COPS3: variants seen among roughly 807,000 people sequenced by gnomAD.
COPS3 encodes the protein COP9 signalosome subunit 3.
In COPS3, 10 loss-of-function variants were observed where a neutral mutation model predicts 58.2. That is an observed-to-expected ratio of 0.17 (90% CI 0.11 to 0.29). The LOEUF (loss-of-function observed/expected upper bound fraction) is 0.29, where lower values mean the gene tolerates loss of function less well. COPS3 is among the 10% of genes least tolerant of loss of function. The pLI is 1.00. For missense variants in COPS3, 333 were observed against 510.1 expected, an observed-to-expected ratio of 0.65 and a Z score of 3.34; for synonymous variants, 187 against 181.7, an observed-to-expected ratio of 1.03 and a Z score of -0.24.
At chr17:17,275,647 T>A (rs1473616937) in intron 2 of COPS3, among the ~76,000 whole-genome samples, 4 of 152,182 alleles carry the variant, frequency 2.6e-5, no homozygotes, top group Non-Finnish European at 5.9e-5. Flanking sequence ...AATAAATAAA[T>A]AAAAATAAAG....
chr17:17,280,853 A>C (rs2048567478), intron 1 of COPS3: 4 of 1,169,594 alleles, frequency 3.4e-6, no homozygotes, highest in South Asian at 1.7e-5. Context: ...CAAACTGTCA[A>C]GCAAAGCGCC....
At chr17:17,275,242 C>G (rs1023561465) in intron 2 of COPS3, among the ~76,000 whole-genome samples, 1 of 151,784 alleles carries the variant, frequency 6.6e-6, no homozygotes, top group African/African-American at 2.4e-5. Flanking sequence ...AGGCATGCGC[C>G]AACACACCCG....
intron 10 of COPS3, 75 bp from the exon 11 acceptor site, chr17:17,247,635 C>T: frequency 7.1e-7 from 1 of 1,415,920 alleles, no homozygotes; most frequent in Non-Finnish European, 9.9e-7. Context: ...TTACACTGTT[C>T]ACAAGGGTGC....
At chr17:17,254,627 T>TG (rs2047921450) in intron 9 of COPS3, among the ~76,000 whole-genome samples, 1 of 151,792 alleles carries the variant, frequency 6.6e-6, no homozygotes, top group East Asian at 2.0e-4. Flanking sequence ...CTGACCAACA[T>TG]GGTGAAACCC....
rs545674170 is a variant in COPS3 at position 17,280,945 on chromosome 17, G to A, written c.55+187C>T. On this transcript the variant is annotated intron_variant, in intron 1 of 11. Transcript: ENST00000268717. Reference sequence around the variant, plus strand: ...GGCCGGCCGGCGAGGACAGCGGAGCGCGAGGGGGCTGCCTACACTCGGCCG... The same window carrying A: ...GGCCGGCCGGCGAGGACAGCGGAGCACGAGGGGGCTGCCTACACTCGGCCG... Among the ~76,000 whole-genome samples the A allele has an allele frequency of 1.1e-4, 16 of 152,280 alleles. No individual in the cohort carries two copies. In the South Asian group the frequency reaches 2.7e-3, roughly 26 times the overall value.
rs10529108 is a variant in COPS3 at position 17,255,485 on chromosome 17, C to CAAAAAAA, written c.937-547_937-541dup. On this transcript the variant is annotated intron_variant, in intron 8 of 11. Transcript: ENST00000268717. ...TGGACGACAGAGCAAGACTCTATTT[C>CAAAAAAA]AAAAAAAAAAGTGTACAGAGCTCTT... 3.1e-4 allele frequency among the ~76,000 whole-genome samples: 40 copies of CAAAAAAA among 129,020 alleles called. 8 individuals carry two copies. The highest frequency in any genetic ancestry group is 4.7e-4 in the South Asian group (2 of 4,212). 84.6% of individuals were successfully genotyped at this position (129,020 alleles called of 152,430 possible).
chr17:17,269,252 C>T lies in COPS3; in HGVS notation c.349-1275G>A, dbSNP rs148031077. ...CCAGCCTGGCAAACATGGTGAAACC[C>T]TGTCTCTACTAAAAATACAAAAATT... On this transcript the variant is annotated intron_variant, in intron 4 of 11. Transcript: ENST00000268717. 6.1e-3 allele frequency among the ~76,000 whole-genome samples: 930 copies of T among 152,276 alleles called. 15 individuals are homozygous for T. Among genetic ancestry groups the T allele is most frequent in the Admixed American group, 0.035 (537 of 15,286 alleles).
At chr17:17,255,381 G>A (rs963599373) in intron 8 of COPS3, among the ~76,000 whole-genome samples, 1 of 151,254 alleles carries the variant, frequency 6.6e-6, no homozygotes, top group East Asian at 2.0e-4. Context: ...GGGAGGCTGA[G>A]ACAAGAGAAT....
intron 8 of COPS3, among the ~76,000 whole-genome samples, chr17:17,255,459 C>G (rs912327999): frequency 1.5e-5 from 2 of 136,028 alleles, no homozygotes; most frequent in Non-Finnish European, 3.0e-5. Context: ...GCTCTCCAGC[C>G]TGGACGACAG....
At chr17:17,277,210 G>C (rs1162527169) in intron 1 of COPS3, among the ~76,000 whole-genome samples, 1 of 152,112 alleles carries the variant, frequency 6.6e-6, no homozygotes, top group East Asian at 1.9e-4. Context: ...CCTCATCTCA[G>C]CTCCCTTCCC....
At chr17:17,258,385 A>C (rs965923934) in intron 8 of COPS3, among the ~76,000 whole-genome samples, 2 of 152,156 alleles carry the variant, frequency 1.3e-5, no homozygotes, top group Non-Finnish European at 2.9e-5. Flanking sequence ...TGCAACCTCT[A>C]TCTCCTGGGT....
chr17:17,263,510 CTTTT>C (rs34755381), intron 6 of COPS3, among the ~76,000 whole-genome samples: 5 of 98,870 alleles, frequency 5.1e-5, no homozygotes, highest in Admixed American at 1.2e-4. Flanking sequence ...CTTGCCTTTT[CTTTT>C]TTTTTTTTTT....
At chr17:17,280,633 G>C in intron 1 of COPS3, 1 of 1,303,248 alleles carries the variant, frequency 7.7e-7, no homozygotes, top group Non-Finnish European at 1.0e-6. Context: ...TCCCGAGCGT[G>C]CGCCGCCTGG....
At chr17:17,275,077 A>G (rs1295102182) in intron 2 of COPS3, among the ~76,000 whole-genome samples, 1 of 147,770 alleles carries the variant, frequency 6.8e-6, no homozygotes, top group East Asian at 2.0e-4. Flanking sequence ...TTCTCAAAGC[A>G]GGAAAAGCAA....
intron 8 of COPS3, among the ~76,000 whole-genome samples, chr17:17,257,863 A>G (rs562697075): frequency 1.2e-4 from 18 of 152,278 alleles, no homozygotes; most frequent in African/African-American, 3.6e-4. Flanking sequence ...ACACAAAGTA[A>G]TATTTCAATG....
rs2048083467 is a variant in COPS3, at chr17:17,260,897, C to G, written c.763-423G>C. Among the ~76,000 whole-genome samples the G allele has an allele frequency of 2.6e-5, 4 of 151,882 alleles. No homozygotes were observed. The South Asian group carries it at 8.3e-4, about 31-fold the overall frequency. ...ACACACTTACATACTATTTTTTAAGCAAGTATATCCCATATTGTCAGGTAA... is the reference window on the plus strand; with the variant it reads ...ACACACTTACATACTATTTTTTAAGGAAGTATATCCCATATTGTCAGGTAA... On this transcript the variant is annotated intron_variant, in intron 7 of 11. Coordinates refer to ENST00000268717, the MANE Select transcript of COPS3 (RefSeq NM_003653.4).
At chr17:17,255,485 C>CAAAA (rs10529108) in intron 8 of COPS3, among the ~76,000 whole-genome samples, 1 of 129,032 alleles carries the variant, frequency 7.8e-6, no homozygotes, top group African/African-American at 3.1e-5. Context: ...GACTCTATTT[C>CAAAA]AAAAAAAAAA....
intron 6 of COPS3, among the ~76,000 whole-genome samples, chr17:17,262,949 G>A (rs1334270703): frequency 2.6e-5 from 4 of 151,286 alleles, no homozygotes; most frequent in Admixed American, 2.0e-4. Context: ...AGGCTGGAGT[G>A]CAGTGGCGCA....
intron 10 of COPS3, among the ~76,000 whole-genome samples, chr17:17,248,400 G>A (rs755790554): frequency 2.0e-5 from 3 of 152,130 alleles, no homozygotes; most frequent in Non-Finnish European, 4.4e-5. Context: ...TGTAACATCT[G>A]CCTCCCAGGT....
Sources: gnomAD v4.1 joint callset for allele counts (sites outside exome capture counted in the v4.1 genomes callset) on GRCh38, gnomAD v4.1.1 for gene constraint, MANE v1.5 for transcripts, NCBI Gene and HGNC (gene_info 2026-07-23, HGNC 2026-07-21) for gene names.